SERHL2: variants seen among roughly 807,000 people sequenced by gnomAD.
SERHL2 encodes serine hydrolase like 2.
In SERHL2, 29 loss-of-function variants were observed where a neutral mutation model predicts 25.5. That is an observed-to-expected ratio of 1.14 (90% CI 0.85 to 1.55). The LOEUF is 1.55. Among genes scored for constraint, SERHL2 ranks in the 40% most tolerant of loss-of-function variants. The pLI is 0.00. For synonymous variants in SERHL2, 95 were observed against 103.5 expected (o/e 0.92, Z 0.50); for missense variants, 240 against 252.3 (o/e 0.95, Z 0.33).
At chr22:42,565,820 T>C (rs1368090557) in intron 8 of SERHL2, among the ~76,000 whole-genome samples, 4 of 151,600 alleles carry the variant, frequency 2.6e-5, no homozygotes, top group Admixed American at 1.3e-4. Flanking sequence ...AAGAAAATCT[T>C]GTTGGTATAT....
At chr22:42,573,860 GC>G in intron 11 of SERHL2, 75 bp from the exon 12 acceptor site, 4 of 1,446,966 alleles carry the variant, frequency 2.8e-6, no homozygotes, top group Non-Finnish European at 3.8e-6. Context: ...CTGTGGGAGG[GC>G]CCTGACCCCG....
At position 42,574,256 on chromosome 22, in the gene SERHL2, C is replaced by T. The variant is rs367914427; in HGVS notation, c.*201C>T. The T allele has an allele frequency of 6.7e-4, 397 of 594,646 alleles. 4 individuals carry two copies. In the East Asian group the frequency reaches 9.7e-3, roughly 15 times the overall value. 36.8% of individuals were successfully genotyped at this position (594,646 alleles called of 1,614,324 possible). Reference sequence around the variant, plus strand: ...TCAAGGGGGAGACAGAGTCTGGGTTCCAGGGCTGCTTTCTCCTGGCTAATA... The same window carrying T: ...TCAAGGGGGAGACAGAGTCTGGGTTTCAGGGCTGCTTTCTCCTGGCTAATA... On this transcript the variant is annotated 3_prime_UTR_variant, in exon 12 of 12. Coordinates refer to ENST00000327678, the MANE Select transcript of SERHL2 (RefSeq NM_014509.5).
chr22:42,567,674 A>G (rs544175332), intron 9 of SERHL2, among the ~76,000 whole-genome samples: 2 of 142,796 alleles, frequency 1.4e-5, no homozygotes, highest in East Asian at 6.0e-4. Context: ...CCATGTCAAA[A>G]AAAAAATAAA....
At chr22:42,570,353 G>A (rs1923995145) in intron 9 of SERHL2, among the ~76,000 whole-genome samples, 1 of 152,004 alleles carries the variant, frequency 6.6e-6, no homozygotes, top group South Asian at 2.1e-4. Flanking sequence ...GGAGGCGGGA[G>A]GTTGCGGTAA....
chr22:42,562,526 A>G (rs1569276886), intron 8 of SERHL2, among the ~76,000 whole-genome samples: 1 of 151,534 alleles, frequency 6.6e-6, no homozygotes, highest in Non-Finnish European at 1.5e-5. Context: ...GTGCGTGAGA[A>G]GGGGAGGGCT....
In SERHL2 at chr22:42,571,223, C is replaced by A. The variant is rs899590477; in HGVS notation, c.731+20C>A. 1 of 1,607,498 alleles carries A rather than the reference C, an allele frequency of 6.2e-7. No individual in the cohort carries two copies. The highest frequency in any genetic ancestry group is 8.5e-7 in the Non-Finnish European group (1 of 1,177,918). On this transcript the variant is annotated intron_variant, in intron 10 of 11. Transcript: ENST00000327678. Reference sequence around the variant, plus strand: ...GATCAAGTAAGTCTGGACCCATCCCCTTCAGCCACCCGCCAAGGAGACATG... The same window carrying A: ...GATCAAGTAAGTCTGGACCCATCCCATTCAGCCACCCGCCAAGGAGACATG...
chr22:42,561,552 A>T lies in SERHL2; in HGVS notation c.613+1287A>T, dbSNP rs180781710. On this transcript the variant is annotated intron_variant, in intron 8 of 11. Transcript: ENST00000327678. The stretch of plus-strand genomic sequence containing the variant: ...GAGGGAGGCTATGGGCTGTGTAGGG[A>T]CTTTGGAGCTGGAGGCAGCCCACCC... Among the ~76,000 whole-genome samples, 9 of 150,964 alleles carry T rather than the reference A, an allele frequency of 6.0e-5. No individual in the cohort carries two copies. In the East Asian group the frequency reaches 1.6e-3, roughly 26 times the overall value.
chr22:42,562,203 T>C (rs895007520), intron 8 of SERHL2, among the ~76,000 whole-genome samples: 1 of 151,696 alleles, frequency 6.6e-6, no homozygotes, highest in Non-Finnish European at 1.5e-5. Context: ...ACCCAGTGCC[T>C]CAAGGACAAT....
chr22:42,566,632 C>T (rs1361993029), intron 9 of SERHL2, among the ~76,000 whole-genome samples: 3 of 151,824 alleles, frequency 2.0e-5, no homozygotes, highest in Non-Finnish European at 4.4e-5. Context: ...TGTAAGTATG[C>T]ACTTCAGTGG....
chr22:42,572,861 G>A (rs1013288953), intron 11 of SERHL2: 2 of 359,456 alleles, frequency 5.6e-6, no homozygotes, highest in African/African-American at 4.4e-5. Context: ...TAAGAGATGG[G>A]GTTTCACCAT....
chr22:42,560,914 G>T (rs1922602955), intron 8 of SERHL2, among the ~76,000 whole-genome samples: 1 of 151,648 alleles, frequency 6.6e-6, no homozygotes, highest in Non-Finnish European at 1.5e-5. Context: ...GAAATCTTTT[G>T]TAAGGGCCTG....
chr22:42,572,769 A>C (rs1312622283), intron 11 of SERHL2: 10 of 972,312 alleles, frequency 1.0e-5, no homozygotes, highest in African/African-American at 1.8e-5. Context: ...GGTTCAAGCT[A>C]CTCTCGTGCC....
chr22:42,554,340 TG>T (rs1433437447), intron 1 of SERHL2, among the ~76,000 whole-genome samples: 1 of 151,876 alleles, frequency 6.6e-6, no homozygotes. Flanking sequence ...CTGCCAGATG[TG>T]GGGGCGGTGG....
chr22:42,560,451 A>C (rs55732589), intron 8 of SERHL2, among the ~76,000 whole-genome samples, 186 bp downstream of exon 8: 16 of 151,704 alleles, frequency 1.1e-4, no homozygotes, highest in Non-Finnish European at 2.1e-4. Flanking sequence ...TTGCCAAGCA[A>C]CCCGGGTGAG....
chr22:42,573,616 A>C (rs539306642), intron 11 of SERHL2: 2 of 301,490 alleles, frequency 6.6e-6, no homozygotes, highest in Non-Finnish European at 1.3e-5. Flanking sequence ...CCCCCATCTC[A>C]TTATCTTTTC....
chr22:42,567,634 G>A (rs138395559), intron 9 of SERHL2, among the ~76,000 whole-genome samples: 1 of 151,168 alleles, frequency 6.6e-6, no homozygotes, highest in Non-Finnish European at 1.5e-5. Context: ...ACTGCAGTTC[G>A]CAGTCCGGCC....
At chr22:42,559,625 C>T (rs1198337299) in intron 7 of SERHL2, among the ~76,000 whole-genome samples, 2 of 151,462 alleles carry the variant, frequency 1.3e-5, no homozygotes, top group Non-Finnish European at 2.9e-5. Context: ...CTAGATGTAA[C>T]GAAGAATGGC....
intron 11 of SERHL2, 46 bp from the exon 12 acceptor site, chr22:42,573,890 A>G (rs762250637): frequency 6.3e-7 from 1 of 1,582,708 alleles, no homozygotes; most frequent in Non-Finnish European, 8.6e-7. Flanking sequence ...GGAGCTCCCT[A>G]GGCTCCTCTG....
At chr22:42,569,562 A>G (rs1601854628) in intron 9 of SERHL2, 2 of 151,656 alleles carry the variant, frequency 1.3e-5, no homozygotes, top group Non-Finnish European at 2.9e-5. Context: ...GCCCAGTCTA[A>G]TTTTCATATT....
Sources: gnomAD v4.1 joint callset for allele counts (sites outside exome capture counted in the v4.1 genomes callset) on GRCh38, gnomAD v4.1.1 for gene constraint, MANE v1.5 for transcripts, NCBI Gene and HGNC (gene_info 2026-07-23, HGNC 2026-07-21) for gene names.